The following AXIN1 variants were observed in gnomAD, a reference collection of about 807,000 sequenced individuals.
AXIN1 encodes the protein axin 1.
A neutral mutation model predicts 76.4 loss-of-function variants in AXIN1; 30 were observed. The ratio of observed to expected loss-of-function variants is 0.39; its 90% CI spans 0.29 to 0.53. The LOEUF is 0.53. AXIN1 is among the 20% of genes least tolerant of loss of function. The probability of loss-of-function intolerance (pLI) is 0.66; values close to 1 mark genes in which losing one functional copy is unlikely to be tolerated. For synonymous variants in AXIN1, 545 were observed against 501.4 expected (o/e 1.09, Z -1.16); for missense variants, 1,140 against 1,198.8 (o/e 0.95, Z 0.72).
At chr16:314,887 C>G (rs551372314) in intron 2 of AXIN1, among the ~76,000 whole-genome samples, 201 of 152,374 alleles carry the variant, frequency 1.3e-3, no homozygotes, top group Middle Eastern at 0.01. Flanking sequence ...CATTAAAGCA[C>G]CGGGCATCTT....
chr16:303,553 G>T (rs1011982992), intron 5 of AXIN1, among the ~76,000 whole-genome samples: 1 of 151,894 alleles, frequency 6.6e-6, no homozygotes, highest in African/African-American at 2.4e-5. Flanking sequence ...GCTAATTTTT[G>T]TATTTTTCAT....
chr16:320,744 T>TA lies in AXIN1; in HGVS notation c.879-6062_879-6061insT, dbSNP rs1555482153. Among the ~76,000 whole-genome samples, 455 of 50,786 alleles carry TA rather than the reference T, an allele frequency of 9.0e-3. 2 individuals carry two copies. Among genetic ancestry groups the TA allele is most frequent in the South Asian group, 0.018 (21 of 1,190 alleles). The allele number at this position is 50,786 out of a possible 152,430, so 33.3% of individuals were successfully genotyped here. On this transcript the variant is annotated intron_variant, in intron 2 of 10. Coordinates refer to ENST00000262320, the MANE Select transcript of AXIN1 (RefSeq NM_003502.4). Reference sequence around the variant, plus strand: ...GTGTGTATATATATATATATATATATTTTTTTTTTTTTTGAGACGGAGCCT... The same window carrying TA: ...GTGTGTATATATATATATATATATATATTTTTTTTTTTTTGAGACGGAGCCT...
intron 2 of AXIN1, among the ~76,000 whole-genome samples, chr16:320,723 G>GTATATATATA (rs754089481): frequency 3.3e-5 from 4 of 120,098 alleles, no homozygotes; most frequent in African/African-American, 6.9e-5. Flanking sequence ...GCGTGTGTGT[G>GTATATATATA]TATATATATA....
At chr16:306,818 C>T (rs925176783) in intron 4 of AXIN1, among the ~76,000 whole-genome samples, 3 of 152,182 alleles carry the variant, frequency 2.0e-5, no homozygotes, top group African/African-American at 7.2e-5. Flanking sequence ...GGGTCTGTCC[C>T]GGAGCCAAGG....
chr16:309,020 G>C (rs566240583), intron 4 of AXIN1, among the ~76,000 whole-genome samples: 1 of 152,212 alleles, frequency 6.6e-6, no homozygotes, highest in African/African-American at 2.4e-5. Flanking sequence ...ATGGTCACGT[G>C]GTTTAACCTC....
chr16:348,576 G>A (rs2054079144), intron 1 of AXIN1, among the ~76,000 whole-genome samples: 1 of 151,858 alleles, frequency 6.6e-6, no homozygotes, highest in Non-Finnish European at 1.5e-5. Flanking sequence ...GAGGCTGGAG[G>A]ATCCCTTGAG....
At position 288,150 on chromosome 16, in the gene AXIN1, A is replaced by G; in HGVS notation, c.2561T>C (p.Ile854Thr). The change falls in exon 11 of 11, where the codon ATC becomes ACC. Residue 854 changes from isoleucine to threonine, a missense_variant. Physicochemically the swap from Ile to Thr is moderately conservative, Grantham distance 89. Transcript: ENST00000262320. Reference sequence around the variant, plus strand: ...GTCCACCTTCTCCACTTTGCCGATGATCTTCTCCTCAAAGACGGGCAGGAC... The same window carrying G: ...GTCCACCTTCTCCACTTTGCCGATGGTCTTCTCCTCAAAGACGGGCAGGAC... ...EAVLPVFEEK[I>T]IGKVEKVD 1 of 1,613,548 alleles carries G rather than the reference A, an allele frequency of 6.2e-7. No homozygotes were observed. Among genetic ancestry groups the G allele is most frequent in the Non-Finnish European group, 8.5e-7 (1 of 1,180,014 alleles).
chr16:351,184 G>C (rs901397687), intron 1 of AXIN1, among the ~76,000 whole-genome samples: 1 of 151,818 alleles, frequency 6.6e-6, no homozygotes, highest in Non-Finnish European at 1.5e-5. Flanking sequence ...TCGGGTAGCC[G>C]GTTTAGACTG....
At chr16:339,276 G>T (rs1483954016) in intron 2 of AXIN1, among the ~76,000 whole-genome samples, 2 of 150,648 alleles carry the variant, frequency 1.3e-5, no homozygotes, top group Non-Finnish European at 3.0e-5. Flanking sequence ...GGCTGAGGTA[G>T]GCGGATCACA....
At chr16:329,886 G>A (rs1471539584) in intron 2 of AXIN1, among the ~76,000 whole-genome samples, 2 of 151,242 alleles carry the variant, frequency 1.3e-5, no homozygotes, top group Non-Finnish European at 2.9e-5. Flanking sequence ...ACCCGCCTCA[G>A]CCTCCCAGAG....
intron 2 of AXIN1, among the ~76,000 whole-genome samples, chr16:345,356 C>G (rs975925321): frequency 1.3e-5 from 2 of 152,206 alleles, no homozygotes; most frequent in African/African-American, 4.8e-5. Flanking sequence ...GACCATTCCC[C>G]ACACGTAAAA....
At chr16:318,382 G>T (rs755825170) in intron 2 of AXIN1, among the ~76,000 whole-genome samples, 5 of 152,238 alleles carry the variant, frequency 3.3e-5, no homozygotes, top group Non-Finnish European at 7.3e-5. Flanking sequence ...AGAGAAGCGG[G>T]AGAAGGCGGC....
Position 289,428 on chromosome 16 carries a change from C to G in AXIN1, c.2462+12G>C. On this transcript the variant is annotated intron_variant, in intron 10 of 10. Coordinates refer to ENST00000262320, the MANE Select transcript of AXIN1 (RefSeq NM_003502.4). Reference sequence around the variant, plus strand: ...TCGTGCGGGGAGGGGGCACCCCAGCCCTCACACTCACCTGTAGCTGCCCTT... The same window carrying G: ...TCGTGCGGGGAGGGGGCACCCCAGCGCTCACACTCACCTGTAGCTGCCCTT... 6.2e-7 allele frequency: 1 copy of G among 1,612,774 alleles called. No individual in the cohort carries two copies. Among genetic ancestry groups the G allele is most frequent in the East Asian group, 2.2e-5 (1 of 44,884 alleles).
At chr16:315,840 A>AT (rs1268959790) in intron 2 of AXIN1, among the ~76,000 whole-genome samples, 67 of 151,064 alleles carry the variant, frequency 4.4e-4, no homozygotes, top group Non-Finnish European at 8.7e-4. Flanking sequence ...AAGAAAAAAA[A>AT]AAAAAAAAAA....
At position 346,950 on chromosome 16, in the gene AXIN1, G is replaced by A. The variant is rs2141709452; in HGVS notation, c.76C>T (p.Pro26Ser). The A allele has an allele frequency of 6.2e-7, 1 of 1,614,246 alleles. No individual in the cohort carries two copies. Among genetic ancestry groups the A allele is most frequent in the Non-Finnish European group, 8.5e-7 (1 of 1,180,046 alleles). ...FTEDAPRPPV[P>S]GEEGELVSTD... is the part of the protein sequence containing the mutation. ...GACACCAGTTCTCCCTCCTCACCAG[G>A]CACTGGGGGTCGGGGAGCATCTTCG... Residue 26 changes from proline to serine, a missense_variant, in exon 2 of 11, where the codon CCT becomes TCT. Pro to Ser is a moderately conservative substitution (Grantham distance 74). This residue lies in a region of AXIN1 where 708 missense variants were observed against 776.9 expected (regional missense o/e 0.91). Coordinates refer to ENST00000262320, the MANE Select transcript of AXIN1 (RefSeq NM_003502.4).
At chr16:324,003 A>AGTCCATGGGGAGACCT (rs1383645247) in intron 2 of AXIN1, among the ~76,000 whole-genome samples, 5 of 152,160 alleles carry the variant, frequency 3.3e-5, no homozygotes, top group African/African-American at 1.2e-4. Context: ...AGAGCCCCAT[A>AGTCCATGGGGAGACCT]GTCCATGGGG....
At chr16:312,993 A>G (rs2053217443) in intron 3 of AXIN1, among the ~76,000 whole-genome samples, 1 of 152,230 alleles carries the variant, frequency 6.6e-6, no homozygotes, top group Non-Finnish European at 1.5e-5. Flanking sequence ...GAGACTGCAT[A>G]GTGAGGCCTC....
intron 2 of AXIN1, among the ~76,000 whole-genome samples, chr16:335,934 A>T (rs534784618): frequency 6.6e-6 from 1 of 152,342 alleles, no homozygotes; most frequent in East Asian, 1.9e-4. Context: ...AACACACAAA[A>T]TTGTACAGGA....
At position 346,369 on chromosome 16, in the gene AXIN1, T is replaced by G. The variant is rs767917954; in HGVS notation, c.657A>C (p.Lys219Asn). Residue 219 changes from lysine to asparagine, a missense_variant, in exon 2 of 11, where the codon AAA (lysine) becomes AAC (asparagine). Physicochemically the swap from Lys to Asn is moderately conservative, Grantham distance 94. Coordinates refer to ENST00000262320, the MANE Select transcript of AXIN1 (RefSeq NM_003502.4). ...EYTRTGSESP[K>N]VCSDQSSGSG... Reference sequence around the variant, plus strand: ...ACCCAGAGCTCTGGTCACTACAGACTTTGGGGCTCTCCGAGCCTGTCCTCG... The same window carrying G: ...ACCCAGAGCTCTGGTCACTACAGACGTTGGGGCTCTCCGAGCCTGTCCTCG... The G allele has an allele frequency of 7.4e-6, 12 of 1,614,238 alleles. No individual in the cohort carries two copies. In the Admixed American group the frequency reaches 1.5e-4, roughly 20 times the overall value.
Sources: allele counts gnomAD v4.1 joint callset (sites outside exome capture counted in the v4.1 genomes callset), GRCh38; gene constraint gnomAD v4.1.1; regional missense constraint gnomAD v4.1.1; transcripts MANE v1.5; gene names NCBI Gene and HGNC (gene_info 2026-07-23, HGNC 2026-07-21).